The following BRD10 variants were observed in gnomAD, a reference collection of about 807,000 sequenced individuals.
BRD10 encodes the protein bromodomain containing 10.
chr9:5,924,565 T>C, the BRD10 span: 2 of 666,642 alleles, frequency 3.0e-6, no homozygotes, highest in African/African-American at 1.8e-5. Flanking sequence ...AATCAATATA[T>C]TTCATTGACC....
the BRD10 span, among the ~76,000 whole-genome samples, chr9:5,983,949 TA>T: frequency 6.9e-6 from 1 of 145,108 alleles, no homozygotes; most frequent in Non-Finnish European, 1.5e-5. Context: ...CAGAGTCATA[TA>T]TGTATATGCA....
At chr9:5,921,299 G>A in the BRD10 span, 4 of 1,613,820 alleles carry the variant, frequency 2.5e-6, no homozygotes, top group African/African-American at 1.3e-5. Context: ...CTGAGACACA[G>A]CTGGTGATGA....
At chr9:5,975,616 T>C in the BRD10 span, among the ~76,000 whole-genome samples, 7 of 151,980 alleles carry the variant, frequency 4.6e-5, no homozygotes, top group African/African-American at 7.2e-5. Flanking sequence ...ATACACAGAA[T>C]GCGATTTATG....
the BRD10 span, among the ~76,000 whole-genome samples, chr9:5,988,996 C>T: frequency 1.3e-5 from 2 of 151,818 alleles, no homozygotes; most frequent in East Asian, 1.9e-4. Flanking sequence ...TTTGGGAGGC[C>T]GAGGCAGGCG....
At chr9:6,002,663 T>G in the BRD10 span, among the ~76,000 whole-genome samples, 1 of 151,992 alleles carries the variant, frequency 6.6e-6, no homozygotes, top group Non-Finnish European at 1.5e-5. Flanking sequence ...TTTCAAATTT[T>G]TGAGCCTTCA....
the BRD10 span, among the ~76,000 whole-genome samples, chr9:5,942,745 C>G: frequency 2.0e-5 from 3 of 152,252 alleles, no homozygotes; most frequent in South Asian, 2.1e-4. Context: ...AACTAATATG[C>G]AAACATCAGG....
At chr9:5,970,298 C>A in the BRD10 span, among the ~76,000 whole-genome samples, 2 of 151,984 alleles carry the variant, frequency 1.3e-5, no homozygotes, top group Admixed American at 1.3e-4. Flanking sequence ...TGCATAAATA[C>A]AGAAAATGTC....
At chr9:5,934,706 A>T in the BRD10 span, among the ~76,000 whole-genome samples, 3 of 151,974 alleles carry the variant, frequency 2.0e-5, no homozygotes, top group Non-Finnish European at 2.9e-5. Context: ...CCTTTTAGAA[A>T]AGCTAAATGG....
At chr9:5,937,395 C>T in the BRD10 span, among the ~76,000 whole-genome samples, 6 of 149,390 alleles carry the variant, frequency 4.0e-5, no homozygotes, top group Non-Finnish European at 5.9e-5. Flanking sequence ...ATTAGCTGGG[C>T]GTGGTGGCAC....
the BRD10 span, among the ~76,000 whole-genome samples, chr9:6,001,210 C>G: frequency 6.6e-6 from 1 of 152,208 alleles, no homozygotes. Flanking sequence ...TGTTTATTAT[C>G]TCTTGATGGA....
the BRD10 span, chr9:5,919,641 A>T: frequency 6.5e-7 from 1 of 1,532,254 alleles, no homozygotes; most frequent in Non-Finnish European, 8.7e-7. Flanking sequence ...TGGGAGTCAA[A>T]ACAATGCCCC....
the BRD10 span, chr9:6,007,814 G>A: frequency 6.9e-6 from 10 of 1,443,806 alleles, no homozygotes; most frequent in South Asian, 1.4e-5. Context: ...GCTGGGCGGT[G>A]TGGAACAGCC....
chr9:5,961,757 A>G, the BRD10 span, among the ~76,000 whole-genome samples: 1,320 of 152,302 alleles, frequency 8.7e-3, 10 homozygotes, highest in African/African-American at 0.03. Context: ...AAAACTTAAA[A>G]AGGAGGAAAG....
chr9:5,901,701 C>T, the BRD10 span, among the ~76,000 whole-genome samples: 8 of 150,608 alleles, frequency 5.3e-5, no homozygotes, highest in South Asian at 1.7e-3. Flanking sequence ...TTTGTATTTT[C>T]GGTAGAGATG....
the BRD10 span, among the ~76,000 whole-genome samples, chr9:5,988,861 T>A: frequency 6.6e-6 from 1 of 152,196 alleles, no homozygotes; most frequent in African/African-American, 2.4e-5. Flanking sequence ...CTATCTATTA[T>A]TGGTACGAGA....
the BRD10 span, among the ~76,000 whole-genome samples, chr9:5,989,167 G>C: frequency 6.7e-6 from 1 of 149,312 alleles, no homozygotes; most frequent in Non-Finnish European, 1.5e-5. Context: ...AGGAGGCAGA[G>C]GTTGTGGTGA....
At chr9:5,911,267 CT>C in the BRD10 span, among the ~76,000 whole-genome samples, 1 of 152,130 alleles carries the variant, frequency 6.6e-6, no homozygotes, top group African/African-American at 2.4e-5. Flanking sequence ...ATACAGGTAT[CT>C]AGTTTTTCCA....
chr9:5,954,294 C>G, the BRD10 span, among the ~76,000 whole-genome samples: 4 of 152,158 alleles, frequency 2.6e-5, no homozygotes, highest in African/African-American at 9.7e-5. Flanking sequence ...GACATATTAA[C>G]AAATGCTGTT....
At chr9:5,958,905 T>C in the BRD10 span, among the ~76,000 whole-genome samples, 1 of 152,184 alleles carries the variant, frequency 6.6e-6, no homozygotes, top group African/African-American at 2.4e-5. Context: ...TAAATGTGCA[T>C]GTCTTGAGCT....
Sources: gnomAD v4.1 joint callset for allele counts (sites outside exome capture counted in the v4.1 genomes callset) on GRCh38, gnomAD v4.1.1 for gene constraint, MANE v1.5 for transcripts, NCBI Gene and HGNC (gene_info 2026-07-23, HGNC 2026-07-21) for gene names.